PPP3CC: variants seen among roughly 807,000 people sequenced by gnomAD.
The protein encoded by PPP3CC is protein phosphatase 3 catalytic subunit gamma, also known as serine/threonine-protein phosphatase 2B catalytic subunit gamma isoform.
In PPP3CC, 35 loss-of-function variants were observed where a neutral mutation model predicts 60.3. The ratio of observed to expected loss-of-function variants is 0.58; its 90% confidence interval spans 0.44 to 0.77. The LOEUF (loss-of-function observed/expected upper bound fraction) is 0.77, where lower values mean the gene tolerates loss of function less well. PPP3CC is among the 30% of genes least tolerant of loss of function. PPP3CC has a pLI of 0.00. For synonymous variants in PPP3CC, 206 were observed against 224.3 expected, an observed-to-expected ratio of 0.92 and a Z score of 0.73; for missense variants, 570 against 628.9, an observed-to-expected ratio of 0.91 and a Z score of 1.00.
At chr8:22,520,963 C>T (rs1343761909) in intron 6 of PPP3CC, among the ~76,000 whole-genome samples, 1 of 152,124 alleles carries the variant, frequency 6.6e-6, no homozygotes, top group East Asian at 1.9e-4. Context: ...AATACCTTCT[C>T]CTATTGAGTC....
intron 3 of PPP3CC, among the ~76,000 whole-genome samples, chr8:22,495,214 A>G (rs1005651823): frequency 6.6e-6 from 1 of 152,154 alleles, no homozygotes; most frequent in African/African-American, 2.4e-5. Context: ...CTCCTAAAGC[A>G]CTGGGATTGC....
At chr8:22,503,623 A>G (rs1261255500) in intron 4 of PPP3CC, among the ~76,000 whole-genome samples, 1 of 152,174 alleles carries the variant, frequency 6.6e-6, no homozygotes, top group African/African-American at 2.4e-5. Flanking sequence ...TAATAATAAC[A>G]TCAGGGATTT....
chr8:22,468,904 C>G (rs1837629426), intron 1 of PPP3CC, among the ~76,000 whole-genome samples: 1 of 152,170 alleles, frequency 6.6e-6, no homozygotes, highest in Non-Finnish European at 1.5e-5. Flanking sequence ...CCTGGGCAGG[C>G]TTGTGACTGT....
intron 3 of PPP3CC, among the ~76,000 whole-genome samples, chr8:22,491,873 A>G (rs533281377): frequency 9.2e-5 from 14 of 152,294 alleles, no homozygotes; most frequent in Non-Finnish European, 2.9e-5. Context: ...TATTCTTGGA[A>G]AGAACGTATA....
chr8:22,448,336 AT>A (rs1161554998), intron 1 of PPP3CC, among the ~76,000 whole-genome samples: 7 of 151,816 alleles, frequency 4.6e-5, no homozygotes, highest in Non-Finnish European at 1.0e-4. Flanking sequence ...AACTGGGAAA[AT>A]TTGAATATGG....
intron 1 of PPP3CC, among the ~76,000 whole-genome samples, chr8:22,467,113 C>G (rs528089775): frequency 6.6e-6 from 1 of 151,966 alleles, no homozygotes; most frequent in African/African-American, 2.4e-5. Context: ...TTAACAATAA[C>G]TGAGATTTCT....
Position 22,540,939 on chromosome 8 carries a change from T to A in PPP3CC, c.*137T>A. On this transcript the variant is annotated 3_prime_UTR_variant, in exon 14 of 14. Transcript: ENST00000240139. ...TATAATTCAGTCTGCATTTATTCTG[T>A]AAAAAGGTGGCTGTTTTATAAATTC... 1.3e-6 allele frequency: 1 copy of A among 761,804 alleles called. No individual in the cohort carries two copies. The highest frequency in any genetic ancestry group is 1.9e-6 in the Non-Finnish European group (1 of 529,968). The allele number at this position is 761,804 out of a possible 1,614,324, so 47.2% of individuals were successfully genotyped here.
Position 22,480,565 on chromosome 8 carries a change from G to A in PPP3CC, c.372+4941G>A, listed in dbSNP as rs4428670. On this transcript the variant is annotated intron_variant, in intron 3 of 13. Transcript: ENST00000240139. ...GCAATCTCAGCTCACTGCATCCTCC[G>A]CCTCCCAGGTTCAAGTGATTCTCCT... Among the ~76,000 whole-genome samples the A allele has an allele frequency of 1.3e-3, 205 of 152,186 alleles. 1 individual carries two copies. Among genetic ancestry groups the A allele is most frequent in the Non-Finnish European group, 1.4e-3 (93 of 68,010 alleles).
chr8:22,465,891 G>A (rs1837506162), intron 1 of PPP3CC, among the ~76,000 whole-genome samples: 1 of 151,926 alleles, frequency 6.6e-6, no homozygotes, highest in African/African-American at 2.4e-5. Context: ...TCAACATGCA[G>A]GTTTGCTACA....
rs924989200 is a variant in PPP3CC, at chr8:22,533,284, A to C, written c.1321+266A>C. On this transcript the variant is annotated intron_variant, in intron 12 of 13. Transcript: ENST00000240139. The stretch of plus-strand genomic sequence containing the variant: ...ACTGGGGTAGACAGAGTCCTTAAGT[A>C]GGACACAAAAAGTACTAACCTTAAA... Among the ~76,000 whole-genome samples the C allele has an allele frequency of 7.9e-5, 12 of 152,354 alleles. No individual in the cohort carries two copies. The South Asian group carries it at 2.5e-3, about 32-fold the overall frequency.
rs768787940 is a variant in PPP3CC at position 22,540,634 on chromosome 8, T to A, written c.1371T>A (p.Leu457=). The A allele has an allele frequency of 1.9e-6, 3 of 1,613,638 alleles. No homozygotes were observed. The South Asian group carries it at 3.3e-5, about 18-fold the overall frequency. Residue 457 remains leucine, a synonymous_variant, in exon 14 of 14, where the codon CTT becomes CTA. Transcript: ENST00000240139. ...EAREAIRGFS[L]QHKIRSFEEA... ...CTGTAGCCATCAGAGGGTTCTCGCTTCAGCACAAGATCCGGAGTTTTGAAG... is the reference window on the plus strand; with the variant it reads ...CTGTAGCCATCAGAGGGTTCTCGCTACAGCACAAGATCCGGAGTTTTGAAG...
intron 1 of PPP3CC, among the ~76,000 whole-genome samples, chr8:22,449,366 C>T (rs533474358): frequency 6.8e-6 from 1 of 146,618 alleles, no homozygotes; most frequent in Non-Finnish European, 1.5e-5. Flanking sequence ...GGAGGATCAC[C>T]TGAGCCAGGA....
chr8:22,532,959 C>G lies in PPP3CC; in HGVS notation c.1262C>G (p.Thr421Ser). The change falls in exon 12 of 14, where the codon ACT (threonine) becomes AGT (serine). Residue 421 changes from threonine to serine, a missense_variant. Coordinates refer to ENST00000240139, the MANE Select transcript of PPP3CC (RefSeq NM_005605.5). The part of the protein sequence containing the change: ...SESVLTLKGL[T>S]PTGTLPLGVL... ...AGTGTGCTGACTCTCAAGGGCCTGA[C>G]TCCCACAGGCACACTCCCTCTGGGC... 6.2e-7 allele frequency: 1 copy of G among 1,605,580 alleles called. No individual in the cohort carries two copies. The highest frequency in any genetic ancestry group is 8.5e-7 in the Non-Finnish European group (1 of 1,175,584).
intron 1 of PPP3CC, among the ~76,000 whole-genome samples, chr8:22,471,279 TC>T (rs1223010867): frequency 6.7e-6 from 1 of 148,158 alleles, no homozygotes; most frequent in African/African-American, 2.5e-5. Context: ...CCTTGATCAT[TC>T]TTTTTTTTTT....
At position 22,507,695 on chromosome 8, in the gene PPP3CC, A is replaced by G. The variant is rs1838964107; in HGVS notation, c.485-3391A>G. Among the ~76,000 whole-genome samples the G allele has an allele frequency of 2.0e-5, 3 of 152,246 alleles. No homozygotes were observed. The South Asian group carries it at 6.2e-4, about 31-fold the overall frequency. ...GCCAGCATTATTCTGCATATTTTAC[A>G]TAAATGAATTCATTTAATCCTCACA... On this transcript the variant is annotated intron_variant, in intron 4 of 13. Coordinates refer to ENST00000240139, the MANE Select transcript of PPP3CC (RefSeq NM_005605.5).
intron 1 of PPP3CC, among the ~76,000 whole-genome samples, chr8:22,448,387 T>TG (rs1025069766): frequency 1.4e-4 from 21 of 151,212 alleles, no homozygotes; most frequent in African/African-American, 5.1e-4. Context: ...TTTTGTTTTT[T>TG]TTTTTTTTTG....
At chr8:22,506,699 T>G (rs1838930848) in intron 4 of PPP3CC, among the ~76,000 whole-genome samples, 1 of 152,002 alleles carries the variant, frequency 6.6e-6, no homozygotes, top group Non-Finnish European at 1.5e-5. Flanking sequence ...CCCAGCACTT[T>G]GGGAGGCCGA....
Position 22,539,449 on chromosome 8 carries a change from C to T in PPP3CC, c.1322-20C>T. 1 of 1,613,676 alleles carries T rather than the reference C, an allele frequency of 6.2e-7. No individual in the cohort carries two copies. The highest frequency in any genetic ancestry group is 8.5e-7 in the Non-Finnish European group (1 of 1,179,886). On this transcript the variant is annotated intron_variant, in intron 12 of 13. Transcript: ENST00000240139. The stretch of plus-strand genomic sequence containing the variant: ...TTTCTGTCTTCGTTTTTGCATGCTA[C>T]TGCTCCTGCCCTCTTACAGCCACAG...
Position 22,511,145 on chromosome 8 carries a change from C to T in PPP3CC, c.544C>T (p.Pro182Ser). The T allele has an allele frequency of 1.2e-6, 2 of 1,613,918 alleles. No homozygotes were observed. Among genetic ancestry groups the T allele is most frequent in the Non-Finnish European group, 1.7e-6 (2 of 1,179,788 alleles). Residue 182 changes from proline to serine, a missense_variant, in exon 5 of 14, where the codon CCT becomes TCT. Coordinates refer to ENST00000240139, the MANE Select transcript of PPP3CC (RefSeq NM_005605.5). ...CTGTATGGAGACATTTGACTGTCTT[C>T]CTCTTGCTGCCCTCTTAAACCAGCA... ...DACMETFDCL[P>S]LAALLNQQFL...
Sources: gnomAD v4.1 joint callset for allele counts (sites outside exome capture counted in the v4.1 genomes callset) on GRCh38, gnomAD v4.1.1 for gene constraint, MANE v1.5 for transcripts, NCBI Gene and HGNC (gene_info 2026-07-23, HGNC 2026-07-21) for gene names.